SRPK2: variants seen among roughly 807,000 people sequenced by gnomAD.
SRPK2 encodes the protein SFRS protein kinase 2.
SRPK2 carries 21 observed loss-of-function variants against 90.8 expected under a neutral mutation model. The observed-to-expected ratio is 0.23, with a 90% confidence interval of 0.16 to 0.33. SRPK2 has a LOEUF of 0.33. SRPK2 is among the 10% of genes least tolerant of loss of function. SRPK2 has a pLI of 1.00. For synonymous variants in SRPK2, 288 were observed against 311.1 expected (o/e 0.93, Z 0.78); for missense variants, 620 against 869.0 (o/e 0.71, Z 3.60).
At chr7:105,231,558 C>T (rs146940010) in intron 2 of SRPK2, among the ~76,000 whole-genome samples, 274 of 152,250 alleles carry the variant, frequency 1.8e-3, no homozygotes, top group African/African-American at 6.1e-3. Context: ...CCCTTTTCTC[C>T]GCAATCTCGC....
chr7:105,352,676 G>A (rs1447061674), intron 2 of SRPK2, among the ~76,000 whole-genome samples: 1 of 151,984 alleles, frequency 6.6e-6, no homozygotes, highest in Admixed American at 6.5e-5. Flanking sequence ...AAGGTGGGCA[G>A]ATTACTTGAG....
At chr7:105,181,661 A>G (rs988159848) in intron 3 of SRPK2, among the ~76,000 whole-genome samples, 2 of 152,160 alleles carry the variant, frequency 1.3e-5, no homozygotes, top group Non-Finnish European at 2.9e-5. Context: ...AGTGGGAAGT[A>G]AACAATGAGA....
chr7:105,281,555 G>A lies in SRPK2; in HGVS notation c.72-77770C>T, dbSNP rs181669216. Among the ~76,000 whole-genome samples the A allele has an allele frequency of 5.3e-5, 8 of 152,188 alleles. No individual in the cohort carries two copies. In the East Asian group the frequency reaches 9.7e-4, roughly 18 times the overall value. ...GCAGTCCTAGCTACGTGGAGACTGA[G>A]GCAGGAGGATCACTTGAGCCTTGAA... On this transcript the variant is annotated intron_variant, in intron 2 of 15. Transcript: ENST00000393651.
At chr7:105,246,726 A>G (rs1801712016) in intron 2 of SRPK2, among the ~76,000 whole-genome samples, 3 of 152,164 alleles carry the variant, frequency 2.0e-5, no homozygotes, top group South Asian at 2.1e-4. Context: ...TAAAGCATAT[A>G]TATTTTTTTT....
chr7:105,132,935 C>T (rs764979799), intron 12 of SRPK2, 37 bp from the exon 13 acceptor site: 2 of 1,612,654 alleles, frequency 1.2e-6, no homozygotes, highest in Admixed American at 1.7e-5. Context: ...CGGAGCAACA[C>T]AGACATTCAA....
intron 3 of SRPK2, among the ~76,000 whole-genome samples, chr7:105,173,755 A>G (rs1031199587): frequency 2.0e-5 from 3 of 152,182 alleles, no homozygotes; most frequent in East Asian, 1.9e-4. Flanking sequence ...GTATGGGACA[A>G]TAACACTGCT....
upstream of SRPK2, among the ~76,000 whole-genome samples, chr7:105,390,315 C>G (rs1586035353): frequency 2.6e-5 from 4 of 152,184 alleles, no homozygotes; most frequent in Admixed American, 2.6e-4. Context: ...CGCTGATTTT[C>G]TTTTTTTCCC....
At chr7:105,145,403 T>C in intron 8 of SRPK2, 95 bp from the exon 9 acceptor site, 1 of 836,016 alleles carries the variant, frequency 1.2e-6, no homozygotes. Context: ...AATTATTGTC[T>C]TTTAATGGCT....
chr7:105,239,663 G>T (rs1264628458), intron 2 of SRPK2, among the ~76,000 whole-genome samples: 1 of 152,144 alleles, frequency 6.6e-6, no homozygotes. Flanking sequence ...AACAAAATCT[G>T]GTTAGACGGA....
intron 2 of SRPK2, among the ~76,000 whole-genome samples, chr7:105,291,935 A>T (rs13246483): frequency 6.6e-6 from 1 of 152,196 alleles, no homozygotes; most frequent in Admixed American, 6.5e-5. Context: ...TTAAAAATTC[A>T]CAATTTTCAA....
chr7:105,132,604 G>C (rs561462929), intron 13 of SRPK2, among the ~76,000 whole-genome samples, 187 bp downstream of exon 13: 1 of 152,152 alleles, frequency 6.6e-6, no homozygotes, highest in African/African-American at 2.4e-5. Flanking sequence ...CCCAGGGCCC[G>C]CCTGAGGAGG....
intron 2 of SRPK2, among the ~76,000 whole-genome samples, chr7:105,335,397 C>T (rs990943278): frequency 2.0e-5 from 3 of 152,114 alleles, no homozygotes; most frequent in African/African-American, 4.8e-5. Flanking sequence ...TCGTGGCTCA[C>T]ATCTGTAATC....
At chr7:105,156,333 GA>G (rs1156675281) in intron 7 of SRPK2, among the ~76,000 whole-genome samples, 1 of 152,184 alleles carries the variant, frequency 6.6e-6, no homozygotes, top group Non-Finnish European at 1.5e-5. Flanking sequence ...ATGAAATCAG[GA>G]AAGTAATAAT....
intron 15 of SRPK2, 138 bp downstream of exon 15, chr7:105,126,110 T>C: frequency 1.3e-6 from 1 of 773,906 alleles, no homozygotes; most frequent in Non-Finnish European, 2.1e-6. Flanking sequence ...CTGACAATTT[T>C]TCTATCAGCA....
chr7:105,253,280 T>C (rs1326026640), intron 2 of SRPK2, among the ~76,000 whole-genome samples: 4 of 152,184 alleles, frequency 2.6e-5, no homozygotes, highest in African/African-American at 4.8e-5. Context: ...ATGAATAATA[T>C]CTTGCTGCAA....
chr7:105,276,136 C>T (rs1162105832), intron 2 of SRPK2, among the ~76,000 whole-genome samples: 1 of 151,734 alleles, frequency 6.6e-6, no homozygotes, highest in African/African-American at 2.4e-5. Context: ...AGCTGGAGTG[C>T]AGTGGTGCAA....
chr7:105,324,185 T>C (rs141325484), intron 2 of SRPK2, among the ~76,000 whole-genome samples: 100 of 151,886 alleles, frequency 6.6e-4, no homozygotes, highest in African/African-American at 2.4e-3. Context: ...TTTTTTGTAT[T>C]TTTAGTAGAG....
chr7:105,360,728 G>C (rs1248965091), intron 2 of SRPK2, among the ~76,000 whole-genome samples: 1 of 152,178 alleles, frequency 6.6e-6, no homozygotes, highest in Non-Finnish European at 1.5e-5. Flanking sequence ...TTTCTGCCGA[G>C]AGATCCGCCG....
At chr7:105,142,951 C>CA in intron 10 of SRPK2, 133 bp downstream of exon 10, 1 of 1,196,914 alleles carries the variant, frequency 8.4e-7, no homozygotes. Context: ...CCATATTTCC[C>CA]AATAGGGAGT....
Sources: gnomAD v4.1 joint callset for allele counts (sites outside exome capture counted in the v4.1 genomes callset) on GRCh38, gnomAD v4.1.1 for gene constraint, MANE v1.5 for transcripts, NCBI Gene and HGNC (gene_info 2026-07-23, HGNC 2026-07-21) for gene names.